Variants in PKIB observed in about 807,000 individuals in gnomAD.
The protein encoded by PKIB is PKI-beta.
PKIB carries 2 observed loss-of-function variants against 4.5 expected under a neutral mutation model. That is an observed-to-expected ratio of 0.44 (90% CI 0.18 to 1.39). The LOEUF (loss-of-function observed/expected upper bound fraction) is 1.39, where lower values mean the gene tolerates loss of function less well. Ranked by LOEUF, PKIB falls within the 40% of genes most tolerant of loss-of-function variation. The probability of loss-of-function intolerance (pLI) is 0.27; values close to 1 mark genes in which losing one functional copy is unlikely to be tolerated. For synonymous variants in PKIB, 38 were observed against 36.0 expected (o/e 1.06, Z -0.20); for missense variants, 94 against 92.6 (o/e 1.02, Z -0.06).
At chr6:122,524,612 T>C (rs576656517) in intron 2 of PKIB, among the ~76,000 whole-genome samples, 1 of 152,276 alleles carries the variant, frequency 6.6e-6, no homozygotes, top group East Asian at 1.9e-4. Context: ...TTCCTGGGCT[T>C]CTCTTTATTA....
chr6:122,548,924 C>T (rs935828778), intron 2 of PKIB, among the ~76,000 whole-genome samples: 2 of 152,102 alleles, frequency 1.3e-5, no homozygotes, highest in Non-Finnish European at 2.9e-5. Flanking sequence ...GAATGTTTGG[C>T]ATAACAAAGA....
chr6:122,721,565 T>C (rs1779744457), intron 4 of PKIB, among the ~76,000 whole-genome samples: 2 of 152,166 alleles, frequency 1.3e-5, no homozygotes, highest in South Asian at 2.1e-4. Context: ...TGCAGAATTA[T>C]TGTTCTGGGA....
At chr6:122,711,851 T>G (rs1200606375) in intron 3 of PKIB, among the ~76,000 whole-genome samples, 1 of 152,170 alleles carries the variant, frequency 6.6e-6, no homozygotes, top group Non-Finnish European at 1.5e-5. Flanking sequence ...AAATTCTCTG[T>G]GGTAAAAATA....
intron 1 of PKIB, among the ~76,000 whole-genome samples, chr6:122,612,495 C>G (rs1409912669): frequency 2.6e-5 from 4 of 152,114 alleles, no homozygotes; most frequent in Non-Finnish European, 4.4e-5. Flanking sequence ...AATCTACTTT[C>G]AGTCTATAGA....
chr6:122,653,556 TGGG>T (rs1489411757), intron 2 of PKIB, among the ~76,000 whole-genome samples: 1 of 147,146 alleles, frequency 6.8e-6, no homozygotes, highest in Admixed American at 6.8e-5. Context: ...CGGGATGAGG[TGGG>T]GGGAATTTGA....
chr6:122,493,904 A>G (rs535922740), intron 2 of PKIB, among the ~76,000 whole-genome samples: 1 of 152,168 alleles, frequency 6.6e-6, no homozygotes, highest in African/African-American at 2.4e-5. Flanking sequence ...TCATTTATCT[A>G]CTGTGGCTCT....
rs1377178976 is a variant in PKIB at position 122,522,020 on chromosome 6, T to C, written c.-248+44081T>C. On this transcript the variant is annotated intron_variant, in intron 2 of 6. Transcript: ENST00000392491. ...CCTGGGCCAAATGCATTGTTGATGT[T>C]GTGAGTTGTCTCTGCTGCTTTATGA... 2.6e-5 allele frequency among the ~76,000 whole-genome samples: 4 copies of C among 152,208 alleles called. No homozygotes were observed. In the East Asian group the frequency reaches 7.7e-4, roughly 29 times the overall value.
chr6:122,494,011 G>A, intron 2 of PKIB, among the ~76,000 whole-genome samples: 1 of 152,002 alleles, frequency 6.6e-6, no homozygotes, highest in African/African-American at 2.4e-5. Context: ...TAAGAGTCAT[G>A]AGACATATAT....
In PKIB at chr6:122,706,101, A is replaced by G. The variant is rs75238424; in HGVS notation, c.-8-11686A>G. 6.0e-4 allele frequency among the ~76,000 whole-genome samples: 91 copies of G among 152,128 alleles called. No individual in the cohort carries two copies. The East Asian group carries it at 0.015, about 26-fold the overall frequency. On this transcript the variant is annotated intron_variant, in intron 3 of 4. Coordinates refer to ENST00000368452, the MANE Select transcript of PKIB (RefSeq NM_181795.3). ...TGCACTCCCCTCTTTTAGCTTACAG[A>G]TATTTCTCTGGCTTAGTAAGCCTTT...
chr6:122,600,397 A>G lies in PKIB; in HGVS notation c.-161+14390A>G, dbSNP rs181856606. Among the ~76,000 whole-genome samples the G allele has an allele frequency of 2.2e-3, 340 of 152,310 alleles. 2 individuals carry two copies. Among genetic ancestry groups the G allele is most frequent in the African/African-American group, 7.5e-3 (312 of 41,570 alleles). ...CAGGATCAATAGTTTGTATCCATCAATCCAATTAAGTTGACACTCAGTATT... is the reference window on the plus strand; with the variant it reads ...CAGGATCAATAGTTTGTATCCATCAGTCCAATTAAGTTGACACTCAGTATT... On this transcript the variant is annotated intron_variant, in intron 3 of 6. Transcript: ENST00000392491.
Position 122,500,237 on chromosome 6 carries a change from T to TG in PKIB, c.-248+22301dup, listed in dbSNP as rs550604916. Among the ~76,000 whole-genome samples, 752 of 148,414 alleles carry TG rather than the reference T, an allele frequency of 5.1e-3. 7 individuals carry two copies. The highest frequency in any genetic ancestry group is 0.017 in the African/African-American group (710 of 40,832). ...CTACCCAGTGAGATATTAAAAATAG[T>TG]GGGAAAAAAGTACTCAACAGGGTTT... On this transcript the variant is annotated intron_variant, in intron 2 of 6. Transcript: ENST00000392491.
upstream of PKIB, among the ~76,000 whole-genome samples, chr6:122,607,195 C>A (rs746223859): frequency 2.1e-4 from 32 of 152,110 alleles, no homozygotes; most frequent in Non-Finnish European, 4.1e-4. Context: ...AGATCCTGAG[C>A]AAGGCATGTG....
chr6:122,510,946 C>G (rs1776567375), intron 2 of PKIB, among the ~76,000 whole-genome samples: 1 of 152,084 alleles, frequency 6.6e-6, no homozygotes, highest in Non-Finnish European at 1.5e-5. Flanking sequence ...CCATTTCGGA[C>G]ATATCTCTGA....
At chr6:122,521,058 C>T (rs537599230) in intron 2 of PKIB, among the ~76,000 whole-genome samples, 59 of 152,284 alleles carry the variant, frequency 3.9e-4, no homozygotes, top group African/African-American at 8.9e-4. Flanking sequence ...CTGGCATTTT[C>T]GTGGAGAAGA....
intron 2 of PKIB, among the ~76,000 whole-genome samples, chr6:122,670,209 A>G (rs1304580956): frequency 1.3e-5 from 2 of 152,050 alleles, no homozygotes; most frequent in African/African-American, 2.4e-5. Flanking sequence ...GCCATATTTA[A>G]TGAAGAAATC....
At chr6:122,682,946 A>G (rs1211093952) in intron 3 of PKIB, among the ~76,000 whole-genome samples, 2 of 152,224 alleles carry the variant, frequency 1.3e-5, no homozygotes, top group African/African-American at 2.4e-5. Context: ...CATCATTACT[A>G]GAGTTCATTG....
At chr6:122,628,177 A>G (rs1175988868) in intron 1 of PKIB, among the ~76,000 whole-genome samples, 2 of 152,100 alleles carry the variant, frequency 1.3e-5, no homozygotes, top group South Asian at 2.1e-4. Flanking sequence ...AGCTGGGATT[A>G]CAGGCATGCG....
At chr6:122,658,064 A>G (rs2114903236) in intron 2 of PKIB, among the ~76,000 whole-genome samples, 1 of 152,342 alleles carries the variant, frequency 6.6e-6, no homozygotes, top group South Asian at 2.1e-4. Context: ...AAATTCAAAG[A>G]AAAAGCTTCC....
intron 3 of PKIB, among the ~76,000 whole-genome samples, chr6:122,684,829 T>C (rs1257677482): frequency 1.3e-5 from 2 of 152,180 alleles, no homozygotes; most frequent in Admixed American, 1.3e-4. Context: ...TGACTGCCTT[T>C]AATAGCATTG....
Sources: gnomAD v4.1 joint callset for allele counts (sites outside exome capture counted in the v4.1 genomes callset) on GRCh38, gnomAD v4.1.1 for gene constraint, MANE v1.5 for transcripts, NCBI Gene and HGNC (gene_info 2026-07-23, HGNC 2026-07-21) for gene names.